Variants in TSPAN18 observed in about 807,000 individuals in gnomAD.
TSPAN18 encodes the protein tetraspanin 18.
TSPAN18 carries 14 observed loss-of-function variants against 27.3 expected under a neutral mutation model. That is an observed-to-expected ratio of 0.51 (90% CI 0.34 to 0.80). The LOEUF (loss-of-function observed/expected upper bound fraction) is 0.80. Ranked by LOEUF, TSPAN18 falls within the 30% of genes least tolerant of loss-of-function variation. The pLI, the probability that TSPAN18 is intolerant of heterozygous loss-of-function variation, is 0.01. For missense variants in TSPAN18, 268 were observed against 323.9 expected, an observed-to-expected ratio of 0.83 and a Z score of 1.32; for synonymous variants, 143 against 136.5, an observed-to-expected ratio of 1.05 and a Z score of -0.33.
intron 3 of TSPAN18, among the ~76,000 whole-genome samples, chr11:44,882,123 G>A (rs896728): frequency 2.3e-4 from 35 of 152,090 alleles, no homozygotes; most frequent in African/African-American, 7.7e-4. Context: ...GAAGTGACTT[G>A]CCCAAGGTCA....
chr11:44,782,809 C>G (rs1241273143), intron 2 of TSPAN18, among the ~76,000 whole-genome samples: 1 of 152,156 alleles, frequency 6.6e-6, no homozygotes, highest in African/African-American at 2.4e-5. Flanking sequence ...TGAACACTTT[C>G]TTTTGTAAAA....
chr11:44,851,668 C>A (rs550373286), intron 2 of TSPAN18, among the ~76,000 whole-genome samples: 1 of 147,716 alleles, frequency 6.8e-6, no homozygotes, highest in Non-Finnish European at 1.5e-5. Flanking sequence ...TCTTCTCATA[C>A]ATCTGCCAAA....
At chr11:44,736,763 T>C (rs1440312300) in intron 1 of TSPAN18, 2 of 152,220 alleles carry the variant, frequency 1.3e-5, no homozygotes, top group Admixed American at 1.3e-4. Context: ...GCGCCTGGGT[T>C]CAAATGCCAG....
intron 2 of TSPAN18, among the ~76,000 whole-genome samples, chr11:44,831,367 C>A (rs1175656187): frequency 1.3e-5 from 2 of 152,038 alleles, no homozygotes; most frequent in African/African-American, 4.8e-5. Context: ...AAAGATGTGG[C>A]CCCAAAAAAG....
At chr11:44,770,737 G>T (rs961101728) in intron 2 of TSPAN18, among the ~76,000 whole-genome samples, 1 of 152,202 alleles carries the variant, frequency 6.6e-6, no homozygotes, top group African/African-American at 2.4e-5. Context: ...GAATCCATGG[G>T]AGAGGCAAGG....
intron 2 of TSPAN18, among the ~76,000 whole-genome samples, chr11:44,851,617 C>CCA (rs1857605085): frequency 6.8e-6 from 1 of 146,196 alleles, no homozygotes; most frequent in African/African-American, 2.5e-5. Flanking sequence ...TTGTCACCTC[C>CCA]CCCCCCCAAC....
chr11:44,826,719 C>T (rs1199567971), intron 2 of TSPAN18, among the ~76,000 whole-genome samples: 3 of 152,204 alleles, frequency 2.0e-5, no homozygotes, highest in Non-Finnish European at 2.9e-5. Flanking sequence ...AAGCTCTTTA[C>T]GCTGCAGGCC....
chr11:44,876,874 A>G (rs977313447), intron 3 of TSPAN18, among the ~76,000 whole-genome samples: 1 of 152,162 alleles, frequency 6.6e-6, no homozygotes, highest in African/African-American at 2.4e-5. Context: ...AAGAATAAAG[A>G]ATTGTCTTCT....
intron 2 of TSPAN18, among the ~76,000 whole-genome samples, chr11:44,814,651 AATCC>A (rs545778262): frequency 2.0e-5 from 3 of 146,548 alleles, no homozygotes; most frequent in African/African-American, 7.7e-5. Flanking sequence ...TTGGTGGTAG[AATCC>A]ATCCATCCAT....
intron 2 of TSPAN18, among the ~76,000 whole-genome samples, chr11:44,783,633 G>A (rs1442110735): frequency 6.6e-6 from 1 of 152,066 alleles, no homozygotes; most frequent in Admixed American, 6.5e-5. Context: ...TCCTGACCTC[G>A]CAGTCCGCCT....
At chr11:44,814,684 A>G (rs953384682) in intron 2 of TSPAN18, among the ~76,000 whole-genome samples, 2 of 148,290 alleles carry the variant, frequency 1.3e-5, no homozygotes, top group Non-Finnish European at 2.9e-5. Context: ...CCATCCATCC[A>G]TCCACCCACC....
chr11:44,897,730 A>G, intron 3 of TSPAN18: 2 of 1,278,408 alleles, frequency 1.6e-6, no homozygotes, highest in Non-Finnish European at 2.0e-6. Context: ...TAGTAATTGA[A>G]TATTTTCTCT....
chr11:44,778,965 CA>C (rs1855875164), intron 2 of TSPAN18, among the ~76,000 whole-genome samples: 1 of 152,150 alleles, frequency 6.6e-6, no homozygotes, highest in Non-Finnish European at 1.5e-5. Flanking sequence ...GGCATCCTCC[CA>C]GGATGGTTAG....
Position 44,882,619 on chromosome 11 carries a change from CACACACACAG to C in TSPAN18, c.-11+22152_-11+22161del, listed in dbSNP as rs1408763228. On this transcript the variant is annotated intron_variant, in intron 3 of 9. Transcript: ENST00000520358. Reference sequence around the variant, plus strand: ...ACACACACACACACACACACACACACACACACACAGAGAGAGAGCATGTGCGTGCATGTAT... The same window carrying C: ...ACACACACACACACACACACACACACAGAGAGAGCATGTGCGTGCATGTAT... 4.2e-3 allele frequency among the ~76,000 whole-genome samples: 528 copies of C among 124,564 alleles called. 8 individuals are homozygous for C. Among genetic ancestry groups the C allele is most frequent in the African/African-American group, 0.013 (475 of 36,526 alleles). 81.7% of individuals were successfully genotyped at this position (124,564 alleles called of 152,430 possible).
At chr11:44,912,715 G>A (rs1564999369) in intron 5 of TSPAN18, among the ~76,000 whole-genome samples, 1 of 150,586 alleles carries the variant, frequency 6.6e-6, no homozygotes, top group African/African-American at 2.5e-5. Flanking sequence ...GTTCTATCGT[G>A]TGTGTTTGTG....
chr11:44,733,079 C>T (rs1266518800), intron 1 of TSPAN18, among the ~76,000 whole-genome samples: 1 of 152,164 alleles, frequency 6.6e-6, no homozygotes, highest in Non-Finnish European at 1.5e-5. Flanking sequence ...AGGTGACACA[C>T]ATCACTTCAC....
At chr11:44,808,067 T>G (rs1431047452) in intron 2 of TSPAN18, among the ~76,000 whole-genome samples, 1 of 152,160 alleles carries the variant, frequency 6.6e-6, no homozygotes, top group African/African-American at 2.4e-5. Context: ...GGAGCAGATA[T>G]TGTTTTAGTA....
In TSPAN18 at chr11:44,931,965, C is replaced by T. The variant is rs1012402428; in HGVS notation, c.*2787C>T. 6.6e-6 allele frequency: 1 copy of T among 152,284 alleles called. No individual in the cohort carries two copies. The highest frequency in any genetic ancestry group is 6.5e-5 in the Admixed American group (1 of 15,292). The allele number at this position is 152,284 out of a possible 1,614,324, so 9.4% of individuals were successfully genotyped here. ...CACAAACCCTGCCTGTATCGAAAGC[C>T]ACTTTCCTGCTCTGAAGCTACTGCC... On this transcript the variant is annotated 3_prime_UTR_variant, in exon 10 of 10. Transcript: ENST00000520358.
chr11:44,827,592 C>T (rs558507986), intron 2 of TSPAN18, among the ~76,000 whole-genome samples: 14 of 152,304 alleles, frequency 9.2e-5, no homozygotes, highest in African/African-American at 3.4e-4. Context: ...TCATCAGGGA[C>T]CTGGCTGGAA....
Sources: gnomAD v4.1 joint callset for allele counts (sites outside exome capture counted in the v4.1 genomes callset) on GRCh38, gnomAD v4.1.1 for gene constraint, MANE v1.5 for transcripts, NCBI Gene and HGNC (gene_info 2026-07-23, HGNC 2026-07-21) for gene names.